TBC1D1: variants seen among roughly 807,000 people sequenced by gnomAD.
TBC1D1 encodes TBC1 domain family member 1, also known as TBC1 (tre-2/USP6, BUB2, cdc16) domain family, member 1.
In TBC1D1, 89 loss-of-function variants were observed where a neutral mutation model predicts 125.6. The observed-to-expected ratio is 0.71, with a 90% CI of 0.60 to 0.85. TBC1D1 has a LOEUF of 0.85. Ranked by LOEUF, TBC1D1 falls within the 40% of genes least tolerant of loss-of-function variation. The pLI, the probability that TBC1D1 is intolerant of heterozygous loss-of-function variation, is 0.00. For synonymous variants in TBC1D1, 565 were observed against 564.1 expected, an observed-to-expected ratio of 1.00 and a Z score of -0.02; for missense variants, 1,377 against 1,469.2, an observed-to-expected ratio of 0.94 and a Z score of 1.03.
chr4:37,952,107 T>G (rs540829608), intron 2 of TBC1D1: 1 of 716,654 alleles, frequency 1.4e-6, no homozygotes, highest in East Asian at 2.7e-5. Flanking sequence ...GTCAGCAACG[T>G]GAAGCTTGCT....
chr4:38,081,166 C>G (rs1317831047), intron 12 of TBC1D1, among the ~76,000 whole-genome samples: 1 of 152,056 alleles, frequency 6.6e-6, no homozygotes, highest in Non-Finnish European at 1.5e-5. Context: ...TCTGCCCAGT[C>G]TTCCCTGAGA....
Position 38,114,768 on chromosome 4 carries a change from G to A in TBC1D1, c.2558-942G>A, listed in dbSNP as rs1307834388. ...TTTTTGTGAAAATAATCAGGATGTT[G>A]AGAGCTTTTTTTTTTTTCTTTTAAA... is the stretch of plus-strand genomic sequence containing the variant. On this transcript the variant is annotated intron_variant, in intron 15 of 19. Transcript: ENST00000261439. 9.9e-5 allele frequency among the ~76,000 whole-genome samples: 15 copies of A among 151,970 alleles called. No homozygotes were observed. The East Asian group carries it at 2.5e-3, about 25-fold the overall frequency.
In TBC1D1 at chr4:37,911,160, C is replaced by A. The variant is rs188677766; in HGVS notation, c.417+8648C>A. ...TTTTTTTTTTTTTTTTTTTTGGCTG[C>A]CTTTCATTTGTTAATGACTGAATGT... is the stretch of plus-strand genomic sequence containing the variant. On this transcript the variant is annotated intron_variant, in intron 2 of 19. Transcript: ENST00000261439. Among the ~76,000 whole-genome samples, 592 of 104,862 alleles carry A rather than the reference C, an allele frequency of 5.6e-3. 3 individuals are homozygous for A. Among genetic ancestry groups the A allele is most frequent in the African/African-American group, 0.021 (564 of 27,358 alleles). 68.8% of individuals were successfully genotyped at this position (104,862 alleles called of 152,430 possible). A position where few individuals can be genotyped will look rare whatever the true frequency, so the allele number is the denominator to read the frequency against.
intron 19 of TBC1D1, among the ~76,000 whole-genome samples, chr4:38,133,946 C>T (rs1306732174): frequency 6.6e-6 from 1 of 152,226 alleles, no homozygotes; most frequent in African/African-American, 2.4e-5. Context: ...AAAAGAACAC[C>T]TAACTGCGGA....
intron 14 of TBC1D1, among the ~76,000 whole-genome samples, chr4:38,097,938 A>T (rs1349617196): frequency 6.6e-6 from 1 of 152,248 alleles, no homozygotes; most frequent in Non-Finnish European, 1.5e-5. Flanking sequence ...ATGGATAAGG[A>T]AACTTGGGCT....
At chr4:38,086,184 C>T (rs9306956) in intron 12 of TBC1D1, among the ~76,000 whole-genome samples, 65,611 of 152,078 alleles carry the variant, frequency 0.43, 16,115 homozygotes, top group East Asian at 0.66. Flanking sequence ...ATTGTTACCA[C>T]GTGAAATGAA....
intron 16 of TBC1D1, 121 bp downstream of exon 18, chr4:38,116,075 G>T (rs1762938087): frequency 1.9e-6 from 2 of 1,059,022 alleles, no homozygotes; most frequent in Admixed American, 2.3e-5. Flanking sequence ...TGTCACTGCT[G>T]ATAAAGGACT....
In TBC1D1 at chr4:38,133,521, G is replaced by T. The variant is rs571427311; in HGVS notation, c.3306+264G>T. On this transcript the variant is annotated intron_variant, in intron 19 of 19. Coordinates refer to ENST00000261439, the MANE Select transcript of TBC1D1 (RefSeq NM_015173.4). Reference sequence around the variant, plus strand: ...TTAACTCTTTTAGGGGACAGGCCCAGAGATGAACTTGGATTCAGGATGCCG... The same window carrying T: ...TTAACTCTTTTAGGGGACAGGCCCATAGATGAACTTGGATTCAGGATGCCG... Among the ~76,000 whole-genome samples the T allele has an allele frequency of 2.0e-5, 3 of 152,334 alleles. No homozygotes were observed. In the East Asian group the frequency reaches 5.8e-4, roughly 29 times the overall value.
chr4:37,919,437 G>T (rs958310236), intron 2 of TBC1D1, among the ~76,000 whole-genome samples: 1 of 150,610 alleles, frequency 6.6e-6, no homozygotes, highest in African/African-American at 2.4e-5. Context: ...CTGCCTGCCT[G>T]GGCCTCCCAA....
chr4:38,017,991 A>G (rs1464816738), intron 3 of TBC1D1, among the ~76,000 whole-genome samples: 1 of 152,260 alleles, frequency 6.6e-6, no homozygotes, highest in African/African-American at 2.4e-5. Context: ...ATTTAAAAAG[A>G]CTTGTCAGTA....
rs148397354 is a variant in TBC1D1, at chr4:37,909,711, G to A, written c.417+7199G>A. ...AACATTTGTCTCTTTTGCTACACAGGTAATGATTCTGAGGGGGTCTTGTTA... is the reference window on the plus strand; with the variant it reads ...AACATTTGTCTCTTTTGCTACACAGATAATGATTCTGAGGGGGTCTTGTTA... On this transcript the variant is annotated intron_variant, in intron 2 of 19. Transcript: ENST00000261439. 6.1e-3 allele frequency among the ~76,000 whole-genome samples: 933 copies of A among 152,264 alleles called. 7 individuals carry two copies. Among genetic ancestry groups the A allele is most frequent in the Non-Finnish European group, 0.01 (714 of 68,024 alleles).
intron 2 of TBC1D1, among the ~76,000 whole-genome samples, chr4:37,938,205 A>AC (rs1462003560): frequency 6.7e-6 from 1 of 150,368 alleles, no homozygotes; most frequent in African/African-American, 2.4e-5. Flanking sequence ...GCATAGTGAG[A>AC]CCCCATGTCT....
chr4:38,054,508 T>G (rs2152487038), intron 12 of TBC1D1, among the ~76,000 whole-genome samples, 170 bp downstream of exon 14: 1 of 152,216 alleles, frequency 6.6e-6, no homozygotes, highest in South Asian at 2.1e-4. Context: ...CTCCATTTCT[T>G]AGGGAAGGAA....
chr4:38,118,761 C>G (rs1467090), intron 17 of TBC1D1, among the ~76,000 whole-genome samples: 2,295 of 152,360 alleles, frequency 0.015, 61 homozygotes, highest in African/African-American at 0.053. Flanking sequence ...CCTCTTGCCC[C>G]TGAGCCCACA....
intron 2 of TBC1D1, among the ~76,000 whole-genome samples, chr4:37,934,742 AT>A (rs1317014225): frequency 6.6e-6 from 1 of 152,020 alleles, no homozygotes; most frequent in Non-Finnish European, 1.5e-5. Flanking sequence ...CTTCAGTGTC[AT>A]TTTTCCACTT....
At chr4:37,960,506 G>A (rs1483965006) in intron 2 of TBC1D1, 2 of 1,614,144 alleles carry the variant, frequency 1.2e-6, no homozygotes, top group Admixed American at 1.7e-5. Flanking sequence ...AGGATGTGCT[G>A]AAGCTGGAGT....
intron 8 of TBC1D1, among the ~76,000 whole-genome samples, chr4:38,041,787 G>T (rs190467280): frequency 9.7e-4 from 147 of 152,316 alleles, no homozygotes; most frequent in Non-Finnish European, 1.5e-3. Context: ...AACATGAATT[G>T]ATAGGATAAA....
At chr4:38,051,690 C>T (rs1021944387) in intron 11 of TBC1D1, among the ~76,000 whole-genome samples, 7 of 152,014 alleles carry the variant, frequency 4.6e-5, no homozygotes, top group Admixed American at 2.6e-4. Flanking sequence ...CAAGAACGGC[C>T]GTCAATATAC....
At chr4:38,028,740 G>A (rs929804266) in intron 7 of TBC1D1, among the ~76,000 whole-genome samples, 2 of 152,164 alleles carry the variant, frequency 1.3e-5, no homozygotes, top group African/African-American at 2.4e-5. Flanking sequence ...CCTCTGGTCC[G>A]CATGTACTCA....
Sources: gnomAD v4.1 joint callset for allele counts (sites outside exome capture counted in the v4.1 genomes callset) on GRCh38, gnomAD v4.1.1 for gene constraint, MANE v1.5 for transcripts, NCBI Gene and HGNC (gene_info 2026-07-23, HGNC 2026-07-21) for gene names.